RIMS1: variants seen among roughly 807,000 people sequenced by gnomAD.
RIMS1 encodes regulating synaptic membrane exocytosis 1.
Under a neutral mutation model 214.1 loss-of-function variants are expected in RIMS1, and 83 were observed. The ratio of observed to expected loss-of-function variants is 0.39; its 90% CI spans 0.32 to 0.47. The LOEUF is 0.47. Ranked by LOEUF, RIMS1 falls within the 20% of genes least tolerant of loss-of-function variation. The probability of loss-of-function intolerance (pLI) is 0.99; values close to 1 mark genes in which losing one functional copy is unlikely to be tolerated. For missense variants in RIMS1, 2,050 were observed against 2,161.8 expected (o/e 0.95, Z 1.03); for synonymous variants, 793 against 786.8 (o/e 1.01, Z -0.13).
chr6:72,019,900 T>A (rs535028354), intron 2 of RIMS1, among the ~76,000 whole-genome samples: 1 of 152,288 alleles, frequency 6.6e-6, no homozygotes, highest in South Asian at 2.1e-4. Flanking sequence ...GTATTCACCA[T>A]TGTCTTGTAA....
At chr6:72,239,744 T>C (rs1002890355) in intron 9 of RIMS1, among the ~76,000 whole-genome samples, 2 of 152,174 alleles carry the variant, frequency 1.3e-5, no homozygotes, top group African/African-American at 4.8e-5. Flanking sequence ...GATCCTTCGG[T>C]GTTTCCTAGT....
At chr6:72,116,917 AGT>A (rs1009489412) in intron 4 of RIMS1, among the ~76,000 whole-genome samples, 1 of 151,272 alleles carries the variant, frequency 6.6e-6, no homozygotes, top group Non-Finnish European at 1.5e-5. Flanking sequence ...GTCAGTTGTA[AGT>A]GTGTGTGTAT....
chr6:71,952,809 T>G (rs1332050387), intron 1 of RIMS1, among the ~76,000 whole-genome samples: 1 of 152,056 alleles, frequency 6.6e-6, no homozygotes, highest in African/African-American at 2.4e-5. Flanking sequence ...TGATCTCAGC[T>G]GGGGTTACTC....
At chr6:72,267,022 G>A (rs948121266) in intron 22 of RIMS1, among the ~76,000 whole-genome samples, 3 of 151,952 alleles carry the variant, frequency 2.0e-5, no homozygotes, top group East Asian at 3.9e-4. Context: ...TTGAACAATA[G>A]GTACACGTGT....
Position 71,887,155 on chromosome 6 carries a change from G to A in RIMS1, c.132G>A (p.Lys44=). The A allele has an allele frequency of 6.2e-7, 1 of 1,611,842 alleles. No homozygotes were observed. Among genetic ancestry groups the A allele is most frequent in the Admixed American group, 1.7e-5 (1 of 59,798 alleles). ...TCATGGCAGTGATGGACCGGCAGAA[G>A]GAAGAGGAGGAAAAAGAAGAAGCCA... is the stretch of plus-strand genomic sequence containing the variant. ...NIIMAVMDRQ[K]EEEEKEEAML... Residue 44 remains lysine, a synonymous_variant, in exon 1 of 34, where the codon AAG becomes AAA. Transcript: ENST00000521978.
chr6:72,400,466 A>C, intron 33 of RIMS1, 30 bp from the exon 34 acceptor site: 1 of 1,586,146 alleles, frequency 6.3e-7, no homozygotes, highest in Non-Finnish European at 8.7e-7. Flanking sequence ...AGAGAAGTCC[A>C]GGTAATGTTG....
chr6:71,985,503 G>A (rs1455823808), intron 2 of RIMS1, among the ~76,000 whole-genome samples: 3 of 151,938 alleles, frequency 2.0e-5, no homozygotes, highest in Non-Finnish European at 2.9e-5. Context: ...AGTTATGTAC[G>A]TCCATTATAT....
At chr6:72,061,002 T>A (rs1827700885) in intron 2 of RIMS1, among the ~76,000 whole-genome samples, 1 of 152,202 alleles carries the variant, frequency 6.6e-6, no homozygotes, top group Non-Finnish European at 1.5e-5. Flanking sequence ...GATATTGATA[T>A]TGATATTTGC....
At chr6:72,290,116 A>C (rs1166705321) in intron 24 of RIMS1, among the ~76,000 whole-genome samples, 1 of 152,152 alleles carries the variant, frequency 6.6e-6, no homozygotes, top group Non-Finnish European at 1.5e-5. Flanking sequence ...TCTCCACCTT[A>C]TATTGTTTTA....
At chr6:72,136,913 T>G (rs896421584) in intron 4 of RIMS1, among the ~76,000 whole-genome samples, 1 of 152,018 alleles carries the variant, frequency 6.6e-6, no homozygotes, top group Non-Finnish European at 1.5e-5. Context: ...TTTTTACAGG[T>G]GAAACACTAA....
chr6:72,170,978 C>T (rs912849745), intron 4 of RIMS1, among the ~76,000 whole-genome samples: 3 of 151,920 alleles, frequency 2.0e-5, no homozygotes, highest in Non-Finnish European at 4.4e-5. Context: ...ATTATTTTCC[C>T]TATTTTATAA....
At chr6:72,193,413 G>A (rs77989014) in intron 6 of RIMS1, among the ~76,000 whole-genome samples, 1,768 of 152,272 alleles carry the variant, frequency 0.012, 16 homozygotes, top group Middle Eastern at 0.017. Flanking sequence ...ATACCTTAAA[G>A]TGGTCATCCT....
intron 4 of RIMS1, chr6:72,148,614 A>G (rs1371313131): frequency 2.2e-6 from 1 of 456,756 alleles, no homozygotes; most frequent in Non-Finnish European, 4.4e-6. Context: ...ACCTCCTTCC[A>G]TGAAGTGGGG....
intron 2 of RIMS1, among the ~76,000 whole-genome samples, chr6:72,002,005 A>C (rs1805423479): frequency 6.6e-6 from 1 of 152,212 alleles, no homozygotes; most frequent in South Asian, 2.1e-4. Context: ...TTAAAAAGTC[A>C]TTAAGTTAAA....
intron 1 of RIMS1, among the ~76,000 whole-genome samples, chr6:71,950,978 G>T (rs761061432): frequency 1.3e-5 from 2 of 152,184 alleles, no homozygotes; most frequent in Non-Finnish European, 2.9e-5. Context: ...TAACATTTTA[G>T]ATGAGAAGAC....
intron 4 of RIMS1, among the ~76,000 whole-genome samples, chr6:72,100,365 A>G (rs1411632999): frequency 6.6e-6 from 1 of 152,040 alleles, no homozygotes; most frequent in African/African-American, 2.4e-5. Context: ...TTGCAGAAGG[A>G]ATGGAAAACA....
intron 1 of RIMS1, among the ~76,000 whole-genome samples, chr6:71,893,635 CT>C (rs2150365893): frequency 6.6e-6 from 1 of 152,220 alleles, no homozygotes; most frequent in African/African-American, 2.4e-5. Context: ...TGTTTAAGAA[CT>C]TTTTAAGATT....
chr6:72,094,787 GA>G (rs1424070554), intron 2 of RIMS1, among the ~76,000 whole-genome samples: 2 of 151,884 alleles, frequency 1.3e-5, no homozygotes, highest in African/African-American at 4.8e-5. Flanking sequence ...AGTGTATAGG[GA>G]AACTTTTTCC....
intron 12 of RIMS1, 80 bp from the exon 13 acceptor site, chr6:72,250,250 A>AT: frequency 7.4e-7 from 1 of 1,346,660 alleles, no homozygotes; most frequent in Non-Finnish European, 1.0e-6. Context: ...CCTCATTTAA[A>AT]TATAACTTGA....
Sources: allele counts gnomAD v4.1 joint callset (sites outside exome capture counted in the v4.1 genomes callset), GRCh38; gene constraint gnomAD v4.1.1; transcripts MANE v1.5; gene names NCBI Gene and HGNC (gene_info 2026-07-23, HGNC 2026-07-21).